Variants in LRRC7 observed in about 807,000 individuals in gnomAD.
LRRC7 encodes the protein leucine rich repeat containing 7, also known as leucine-rich repeat-containing protein 7.
In LRRC7, 23 loss-of-function variants were observed where a neutral mutation model predicts 175.7. The observed-to-expected ratio is 0.13, with a 90% CI of 0.09 to 0.19. The LOEUF is 0.19. Ranked by LOEUF, LRRC7 falls within the 10% of genes least tolerant of loss-of-function variation. The pLI, the probability that LRRC7 is intolerant of heterozygous loss-of-function variation, is 1.00. For missense variants in LRRC7, 1,354 were observed against 1,904.7 expected (o/e 0.71, Z 5.38); for synonymous variants, 685 against 680.9 (o/e 1.01, Z -0.09).
intron 4 of LRRC7, among the ~76,000 whole-genome samples, chr1:69,810,551 C>G (rs1363670015): frequency 2.6e-5 from 4 of 152,134 alleles, no homozygotes; most frequent in African/African-American, 4.8e-5. Flanking sequence ...ACTAAAACAG[C>G]ATGATACTGG....
intron 24 of LRRC7, among the ~76,000 whole-genome samples, chr1:70,081,005 T>C (rs967806593): frequency 2.0e-5 from 3 of 152,212 alleles, no homozygotes; most frequent in Non-Finnish European, 4.4e-5. Context: ...TTTATATAAA[T>C]TGTTCTTAAC....
intron 24 of LRRC7, among the ~76,000 whole-genome samples, chr1:70,078,190 A>G (rs1041475281): frequency 1.3e-5 from 2 of 152,196 alleles, no homozygotes; most frequent in African/African-American, 4.8e-5. Context: ...CACCCCATGA[A>G]TATATACAAA....
At chr1:69,900,295 C>A (rs1338150899) in intron 7 of LRRC7, among the ~76,000 whole-genome samples, 1 of 152,106 alleles carries the variant, frequency 6.6e-6, no homozygotes, top group Non-Finnish European at 1.5e-5. Context: ...GAGAAGTAAT[C>A]ATAATAGAGG....
Position 70,053,019 on chromosome 1 carries a change from G to T in LRRC7, c.4111-7G>T. On this transcript the variant is annotated splice_region_variant and splice_polypyrimidine_tract_variant and intron_variant, in intron 22 of 26. Transcript: ENST00000651989. Reference sequence around the variant, plus strand: ...CACTAAAGAATGCCATACCATTTTTGCAATAGACCCCGTCCCAGCAAAGCA... The same window carrying T: ...CACTAAAGAATGCCATACCATTTTTTCAATAGACCCCGTCCCAGCAAAGCA... The T allele has an allele frequency of 6.3e-7, 1 of 1,584,352 alleles. No homozygotes were observed. The highest frequency in any genetic ancestry group is 1.7e-4 in the Middle Eastern group (1 of 5,920).
At chr1:69,702,516 G>C (rs922472452) in intron 2 of LRRC7, among the ~76,000 whole-genome samples, 3 of 152,002 alleles carry the variant, frequency 2.0e-5, no homozygotes, top group African/African-American at 7.2e-5. Context: ...TTTCTTTTCA[G>C]ACTTTTTTTC....
chr1:69,805,850 G>A (rs1461276613), intron 4 of LRRC7, among the ~76,000 whole-genome samples: 2 of 151,740 alleles, frequency 1.3e-5, no homozygotes, highest in South Asian at 4.1e-4. Context: ...TTATTCCATG[G>A]GAGATAAAAC....
At chr1:69,822,266 A>G (rs916869659) in intron 4 of LRRC7, among the ~76,000 whole-genome samples, 1 of 152,162 alleles carries the variant, frequency 6.6e-6, no homozygotes, top group Non-Finnish European at 1.5e-5. Context: ...CACAAACTCA[A>G]GGTGGCTGGC....
chr1:69,914,968 A>G (rs557293079), intron 7 of LRRC7, among the ~76,000 whole-genome samples: 2 of 152,334 alleles, frequency 1.3e-5, no homozygotes, highest in Admixed American at 1.3e-4. Context: ...AAAAACATTC[A>G]TATTTAAACA....
intron 21 of LRRC7, among the ~76,000 whole-genome samples, chr1:70,043,096 A>C (rs981725886): frequency 6.6e-6 from 1 of 152,166 alleles, no homozygotes; most frequent in African/African-American, 2.4e-5. Flanking sequence ...CTGTGCAAAC[A>C]ATTTGATAAC....
At chr1:69,606,482 T>C (rs1461111596) in intron 1 of LRRC7, among the ~76,000 whole-genome samples, 1 of 152,010 alleles carries the variant, frequency 6.6e-6, no homozygotes, top group African/African-American at 2.4e-5. Flanking sequence ...AAGAAAAAAA[T>C]AAGATACCAA....
intron 7 of LRRC7, among the ~76,000 whole-genome samples, chr1:69,897,334 T>C (rs1341102718): frequency 4.6e-5 from 7 of 152,192 alleles, no homozygotes; most frequent in Non-Finnish European, 2.9e-5. Flanking sequence ...AAATATTAGC[T>C]TTTCAGAGTG....
chr1:69,891,283 C>T (rs773548374), intron 7 of LRRC7, among the ~76,000 whole-genome samples: 1 of 152,184 alleles, frequency 6.6e-6, no homozygotes, highest in South Asian at 2.1e-4. Flanking sequence ...TTTGTTGTGT[C>T]TCAGGGAATA....
intron 7 of LRRC7, among the ~76,000 whole-genome samples, chr1:69,889,272 A>G (rs901387020): frequency 5.3e-5 from 8 of 151,772 alleles, no homozygotes; most frequent in African/African-American, 1.9e-4. Context: ...GCATTGATTG[A>G]CTCTTCCTTT....
At chr1:69,903,997 T>G (rs2101676540) in intron 7 of LRRC7, among the ~76,000 whole-genome samples, 1 of 152,240 alleles carries the variant, frequency 6.6e-6, no homozygotes, top group African/African-American at 2.4e-5. Context: ...AGCTCTGAAA[T>G]TGAGGCAATA....
intron 8 of LRRC7, among the ~76,000 whole-genome samples, chr1:69,937,036 T>C (rs1018862203): frequency 6.6e-6 from 1 of 152,142 alleles, no homozygotes; most frequent in African/African-American, 2.4e-5. Context: ...TTTTTTTTAC[T>C]TATATCTAGC....
intron 3 of LRRC7, among the ~76,000 whole-genome samples, chr1:69,789,467 C>G (rs1214107533): frequency 1.3e-5 from 2 of 152,046 alleles, no homozygotes; most frequent in East Asian, 3.9e-4. Context: ...ATAATCATTC[C>G]TCATTTTAAT....
At chr1:69,575,152 C>T (rs1267758758) in intron 1 of LRRC7, among the ~76,000 whole-genome samples, 1 of 151,996 alleles carries the variant, frequency 6.6e-6, no homozygotes, top group East Asian at 1.9e-4. Context: ...AACTGAGGCC[C>T]CACTAAGTAT....
intron 7 of LRRC7, among the ~76,000 whole-genome samples, chr1:69,871,065 AATGTTATACCACAAATG>A (rs71678959): frequency 0.052 from 7,910 of 152,172 alleles, 257 homozygotes; most frequent in East Asian, 0.15. Flanking sequence ...GACTTTTAAT[AATGTTATACCACAAATG>A]ATGCATAAAT....
chr1:69,946,242 T>G (rs570098128), intron 8 of LRRC7, among the ~76,000 whole-genome samples: 2 of 152,294 alleles, frequency 1.3e-5, no homozygotes, highest in African/African-American at 4.8e-5. Flanking sequence ...CAGATTATTT[T>G]TATCCTTCAT....
Sources: allele counts gnomAD v4.1 joint callset (sites outside exome capture counted in the v4.1 genomes callset), GRCh38; gene constraint gnomAD v4.1.1; transcripts MANE v1.5; gene names NCBI Gene and HGNC (gene_info 2026-07-23, HGNC 2026-07-21).